KLF7: variants seen among roughly 807,000 people sequenced by gnomAD.
The protein encoded by KLF7 is KLF transcription factor 7.
Under a neutral mutation model 27.3 loss-of-function variants are expected in KLF7, and 2 were observed. The ratio of observed to expected loss-of-function variants is 0.07; its 90% CI spans 0.03 to 0.23. KLF7 has a LOEUF of 0.23. KLF7 is among the 10% of genes least tolerant of loss of function. KLF7 has a pLI of 1.00. For missense variants in KLF7, 221 were observed against 394.1 expected (o/e 0.56, Z 3.72); for synonymous variants, 165 against 162.4 (o/e 1.02, Z -0.12).
chr2:207,101,958 C>T lies in KLF7; in HGVS notation c.734-13377G>A, dbSNP rs1369049943. ...ATGCTGGACACATGTCAAAGACCCT[C>T]AATTAACCTGGCTGAATGAACATAC... On this transcript the variant is annotated intron_variant, in intron 2 of 3. Coordinates refer to ENST00000309446, the MANE Select transcript of KLF7 (RefSeq NM_003709.4). Among the ~76,000 whole-genome samples, 4 of 152,146 alleles carry T rather than the reference C, an allele frequency of 2.6e-5. No individual in the cohort carries two copies. In the East Asian group the frequency reaches 7.7e-4, roughly 29 times the overall value.
chr2:207,081,328 C>A, intron 3 of KLF7, 64 bp from the exon 4 acceptor site: 1 of 1,302,842 alleles, frequency 7.7e-7, no homozygotes, highest in South Asian at 1.2e-5. Flanking sequence ...TTGCATCACT[C>A]CTTAGGAAAT....
intron 1 of KLF7, among the ~76,000 whole-genome samples, chr2:207,126,657 G>A (rs1042182687): frequency 5.3e-5 from 8 of 152,170 alleles, no homozygotes; most frequent in Non-Finnish European, 1.0e-4. Context: ...AAGAAAATTT[G>A]CCGGGCGCAG....
Position 207,088,368 on chromosome 2 carries a change from G to A in KLF7, c.857+90C>T, listed in dbSNP as rs1490819104. The A allele has an allele frequency of 6.2e-6, 9 of 1,460,276 alleles. No homozygotes were observed. The African/African-American group carries it at 6.9e-5, about 11-fold the overall frequency. The allele number at this position is 1,460,276 out of a possible 1,614,324, so 90.5% of individuals were successfully genotyped here. A position where few individuals can be genotyped will look rare whatever the true frequency, so the allele number is the denominator to read the frequency against. ...GTCCAAGTGTCTGTGAGTCAGACCTGTGATAAGTCCAAGCACACGGGTGCT... is the reference window on the plus strand; with the variant it reads ...GTCCAAGTGTCTGTGAGTCAGACCTATGATAAGTCCAAGCACACGGGTGCT... On this transcript the variant is annotated intron_variant, in intron 3 of 3. Transcript: ENST00000309446.
intron 2 of KLF7, among the ~76,000 whole-genome samples, chr2:207,114,365 A>G (rs1324363310): frequency 6.6e-6 from 1 of 152,206 alleles, no homozygotes; most frequent in East Asian, 1.9e-4. Context: ...AGGATGTTGC[A>G]TATCCCATAG....
intron 1 of KLF7, among the ~76,000 whole-genome samples, chr2:207,153,767 T>A (rs1413921090): frequency 6.6e-6 from 1 of 152,162 alleles, no homozygotes; most frequent in Admixed American, 6.5e-5. Context: ...GGAAAGAGAC[T>A]AGACAAAGAA....
intron 2 of KLF7, 23 bp from the exon 3 acceptor site, chr2:207,088,604 C>G (rs199842288): frequency 3.1e-6 from 5 of 1,609,758 alleles, no homozygotes; most frequent in Non-Finnish European, 4.2e-6. Flanking sequence ...ATGGAAGGAC[C>G]GTGGTCAGCA....
At chr2:207,162,461 G>A (rs902996574) in intron 1 of KLF7, among the ~76,000 whole-genome samples, 2 of 152,226 alleles carry the variant, frequency 1.3e-5, no homozygotes, top group Non-Finnish European at 2.9e-5. Flanking sequence ...TGGGCCGAGT[G>A]CTTAAGTATG....
intron 1 of KLF7, among the ~76,000 whole-genome samples, chr2:207,143,084 A>G (rs933468909): frequency 3.9e-5 from 6 of 152,232 alleles, no homozygotes; most frequent in African/African-American, 1.4e-4. Context: ...GATACTCCCA[A>G]TTTAGAAAAC....
rs952519915 is a variant in KLF7 at position 207,079,289 on chromosome 2, A to G, written c.*1924T>C. The G allele has an allele frequency of 6.6e-6, 1 of 152,094 alleles. No homozygotes were observed. The highest frequency in any genetic ancestry group is 1.5e-5 in the Non-Finnish European group (1 of 68,026). 9.4% of individuals were successfully genotyped at this position (152,094 alleles called of 1,614,324 possible). On this transcript the variant is annotated 3_prime_UTR_variant, in exon 4 of 4. Transcript: ENST00000309446. ...CCCAGATCTTGAAGGTTGCTGTCATATATGTGTTTGTGTTTCTTATATTAT... is the reference window on the plus strand; with the variant it reads ...CCCAGATCTTGAAGGTTGCTGTCATGTATGTGTTTGTGTTTCTTATATTAT...
chr2:207,171,668 G>C (rs985988147), upstream of KLF7, among the ~76,000 whole-genome samples: 6 of 152,184 alleles, frequency 3.9e-5, no homozygotes, highest in African/African-American at 1.4e-4. Flanking sequence ...CTTGCTGAAG[G>C]CTCAGATGAT....
At chr2:207,089,886 A>T (rs1448781424) in intron 2 of KLF7, among the ~76,000 whole-genome samples, 1 of 152,226 alleles carries the variant, frequency 6.6e-6, no homozygotes, top group Non-Finnish European at 1.5e-5. Flanking sequence ...GTGCCAAAGT[A>T]CTATGGCATC....
the KLF7 span, among the ~76,000 whole-genome samples, chr2:207,172,719 G>A: frequency 6.6e-6 from 1 of 152,140 alleles, no homozygotes; most frequent in South Asian, 2.1e-4. Flanking sequence ...CAGCAATATA[G>A]TCACCCTCCC....
intron 2 of KLF7, among the ~76,000 whole-genome samples, chr2:207,119,587 G>A (rs2077281646): frequency 6.6e-6 from 1 of 152,106 alleles, no homozygotes; most frequent in Non-Finnish European, 1.5e-5. Flanking sequence ...AATATATGAA[G>A]ACCAGAACAC....
chr2:207,163,755 T>C (rs1460492903), intron 1 of KLF7, among the ~76,000 whole-genome samples: 1 of 152,222 alleles, frequency 6.6e-6, no homozygotes, highest in Non-Finnish European at 1.5e-5. Context: ...TTCCCTTCTC[T>C]AACCTGTCTA....
intron 2 of KLF7, among the ~76,000 whole-genome samples, chr2:207,107,833 T>C (rs2076919939): frequency 6.6e-6 from 1 of 152,208 alleles, no homozygotes; most frequent in Non-Finnish European, 1.5e-5. Flanking sequence ...AACGGACCCT[T>C]GACCCAGAGA....
intron 1 of KLF7, among the ~76,000 whole-genome samples, chr2:207,162,153 C>T (rs1259834185): frequency 6.6e-6 from 1 of 151,742 alleles, no homozygotes; most frequent in Non-Finnish European, 1.5e-5. Context: ...TTTTATTTTC[C>T]AAGTCAGCAG....
intron 3 of KLF7, among the ~76,000 whole-genome samples, chr2:207,086,821 C>T (rs1464288607): frequency 6.6e-6 from 1 of 152,214 alleles, no homozygotes; most frequent in Non-Finnish European, 1.5e-5. Context: ...CAAGTAACAG[C>T]CTCCACACCC....
intron 3 of KLF7, among the ~76,000 whole-genome samples, chr2:207,085,164 G>GAAAAAAAAAAAAAAAAAAA (rs1015691241): frequency 4.3e-5 from 1 of 22,994 alleles, no homozygotes; most frequent in African/African-American, 1.7e-4. Flanking sequence ...TGTCTCAAAT[G>GAAAAAAAAAAAAAAAAAAA]AAAAAAAAAA....
rs1393983554 is a variant in KLF7 at position 207,122,852 on chromosome 2, C to CAAAA, written c.733+921_733+922insTTTT. The stretch of plus-strand genomic sequence containing the variant: ...CAGTATGCAAAAACCATACAGGTAG[C>CAAAA]ACACTGTTGGAGACTCACTTAAAAA... On this transcript the variant is annotated intron_variant, in intron 2 of 3. Transcript: ENST00000309446. 1.6e-3 allele frequency among the ~76,000 whole-genome samples: 237 copies of CAAAA among 152,256 alleles called. 3 individuals are homozygous for CAAAA. Among genetic ancestry groups the CAAAA allele is most frequent in the African/African-American group, 4.7e-3 (194 of 41,540 alleles).
Sources: gnomAD v4.1 joint callset for allele counts (sites outside exome capture counted in the v4.1 genomes callset) on GRCh38, gnomAD v4.1.1 for gene constraint, MANE v1.5 for transcripts, NCBI Gene and HGNC (gene_info 2026-07-23, HGNC 2026-07-21) for gene names.